Variants in RABGAP1L observed in about 807,000 individuals in gnomAD.
RABGAP1L encodes the protein rab GTPase-activating protein 1-like.
In RABGAP1L, 63 loss-of-function variants were observed where a neutral mutation model predicts 137.7. The observed-to-expected ratio is 0.46, with a 90% CI of 0.37 to 0.56. The LOEUF (loss-of-function observed/expected upper bound fraction) is 0.56, where lower values mean the gene tolerates loss of function less well. Among genes scored for constraint, RABGAP1L ranks in the 20% least tolerant of loss-of-function variants. The pLI, the probability that RABGAP1L is intolerant of heterozygous loss-of-function variation, is 0.00. For missense variants in RABGAP1L, 1,095 were observed against 1,244.0 expected (o/e 0.88, Z 1.80); for synonymous variants, 431 against 433.7 (o/e 0.99, Z 0.08).
intron 12 of RABGAP1L, among the ~76,000 whole-genome samples, chr1:174,375,336 C>A (rs905534715): frequency 6.6e-6 from 1 of 151,240 alleles, no homozygotes. Context: ...AAGAGAAAAA[C>A]CCAAAGCAAG....
chr1:174,327,620 A>G (rs1680551085), intron 11 of RABGAP1L, among the ~76,000 whole-genome samples: 1 of 152,074 alleles, frequency 6.6e-6, no homozygotes, highest in South Asian at 2.1e-4. Flanking sequence ...ACAAGTTGAT[A>G]ATATGGCAGC....
intron 13 of RABGAP1L, among the ~76,000 whole-genome samples, chr1:174,529,329 T>A (rs1212614165): frequency 6.6e-6 from 1 of 152,178 alleles, no homozygotes; most frequent in African/African-American, 2.4e-5. Context: ...ATCTATGATG[T>A]TGGTTTTTTA....
intron 13 of RABGAP1L, among the ~76,000 whole-genome samples, chr1:174,610,194 A>G (rs935161822): frequency 1.1e-4 from 15 of 142,434 alleles, no homozygotes; most frequent in Non-Finnish European, 1.8e-4. Flanking sequence ...TCCTAATGCT[A>G]TCCCTTCCCC....
intron 19 of RABGAP1L, among the ~76,000 whole-genome samples, chr1:174,894,655 T>A (rs1384012356): frequency 6.6e-6 from 1 of 152,216 alleles, no homozygotes; most frequent in Non-Finnish European, 1.5e-5. Flanking sequence ...TGATTATGGA[T>A]CGAAATGGAG....
At chr1:174,318,012 G>T (rs1384369543) in intron 11 of RABGAP1L, among the ~76,000 whole-genome samples, 1 of 150,490 alleles carries the variant, frequency 6.6e-6, no homozygotes, top group African/African-American at 2.4e-5. Context: ...GATGCCAGGG[G>T]TTATAGAGGG....
At chr1:174,484,268 G>A (rs565899663) in intron 13 of RABGAP1L, among the ~76,000 whole-genome samples, 3 of 152,222 alleles carry the variant, frequency 2.0e-5, no homozygotes, top group African/African-American at 7.2e-5. Context: ...TTCTTCTATA[G>A]AGTTGTTTGA....
intron 5 of RABGAP1L, among the ~76,000 whole-genome samples, chr1:174,249,193 A>G (rs1672509773): frequency 6.6e-6 from 1 of 152,210 alleles, no homozygotes; most frequent in Non-Finnish European, 1.5e-5. Context: ...TAATACCAAT[A>G]GAATAGATAA....
chr1:174,612,559 T>C (rs1671363684), intron 13 of RABGAP1L, among the ~76,000 whole-genome samples: 1 of 152,222 alleles, frequency 6.6e-6, no homozygotes, highest in Non-Finnish European at 1.5e-5. Context: ...ATCAGGATGA[T>C]GCTGGCCTCA....
chr1:174,901,380 GTTC>G (rs1472026551), intron 19 of RABGAP1L, among the ~76,000 whole-genome samples: 1 of 152,162 alleles, frequency 6.6e-6, no homozygotes, highest in Non-Finnish European at 1.5e-5. Flanking sequence ...AAGCAGACAC[GTTC>G]TTCTTCACAT....
At chr1:174,620,070 A>T (rs889378998) in intron 13 of RABGAP1L, among the ~76,000 whole-genome samples, 1 of 152,082 alleles carries the variant, frequency 6.6e-6, no homozygotes, top group Non-Finnish European at 1.5e-5. Flanking sequence ...AAAGGGATCA[A>T]TTCAACAAGA....
At chr1:174,882,388 G>A (rs2149091621) in intron 19 of RABGAP1L, among the ~76,000 whole-genome samples, 1 of 152,186 alleles carries the variant, frequency 6.6e-6, no homozygotes, top group South Asian at 2.1e-4. Flanking sequence ...GTAACCCTGT[G>A]TCTTTCTTAT....
chr1:174,893,129 C>T lies in RABGAP1L; in HGVS notation c.2341-64328C>T, dbSNP rs987620158. On this transcript the variant is annotated intron_variant, in intron 19 of 25. Coordinates refer to ENST00000681986, the MANE Select transcript of RABGAP1L (RefSeq NM_001366446.1). ...AAATTTTTTATAATACATCATTGTG[C>T]GGCCCTGTGTGCATACTGCTTTATA... The T allele has an allele frequency of 7.7e-5, 25 of 325,952 alleles. 1 individual carries two copies. The highest frequency in any genetic ancestry group is 7.3e-4 in the East Asian group (9 of 12,338). The allele number at this position is 325,952 out of a possible 1,614,324, so 20.2% of individuals were successfully genotyped here.
chr1:174,698,952 G>A (rs889445774), intron 15 of RABGAP1L, among the ~76,000 whole-genome samples: 21 of 151,782 alleles, frequency 1.4e-4, no homozygotes, highest in East Asian at 1.9e-4. Flanking sequence ...AGGGAGGAGC[G>A]AGACTTTTAC....
At chr1:174,581,038 G>A (rs1668710114) in intron 13 of RABGAP1L, among the ~76,000 whole-genome samples, 1 of 152,176 alleles carries the variant, frequency 6.6e-6, no homozygotes, top group South Asian at 2.1e-4. Flanking sequence ...TGGCAAGGAT[G>A]TAGAGAAATT....
chr1:174,654,785 T>C (rs1441928551), intron 14 of RABGAP1L, among the ~76,000 whole-genome samples: 1 of 152,178 alleles, frequency 6.6e-6, no homozygotes, highest in Non-Finnish European at 1.5e-5. Flanking sequence ...CTATGTTAGA[T>C]AAGAAAATTG....
intron 13 of RABGAP1L, among the ~76,000 whole-genome samples, chr1:174,449,572 C>G (rs1655199336): frequency 6.6e-6 from 1 of 152,184 alleles, no homozygotes; most frequent in South Asian, 2.1e-4. Context: ...CTATGTTTCT[C>G]TCACTCTTTG....
intron 8 of RABGAP1L, among the ~76,000 whole-genome samples, chr1:174,274,341 A>G (rs1433302085): frequency 1.3e-5 from 2 of 152,256 alleles, no homozygotes; most frequent in East Asian, 3.9e-4. Flanking sequence ...TGATGGACCC[A>G]TACTTTAAGG....
chr1:174,210,585 C>T (rs1381670195), intron 1 of RABGAP1L, among the ~76,000 whole-genome samples: 1 of 151,944 alleles, frequency 6.6e-6, no homozygotes, highest in Non-Finnish European at 1.5e-5. Context: ...ATGAAGCATG[C>T]CTACAGGATC....
intron 13 of RABGAP1L, among the ~76,000 whole-genome samples, chr1:174,601,594 A>G (rs1287887053): frequency 3.9e-5 from 6 of 152,190 alleles, no homozygotes; most frequent in African/African-American, 1.4e-4. Context: ...ATGTACACCT[A>G]TGTAACAAAC....
Sources: allele counts gnomAD v4.1 joint callset (sites outside exome capture counted in the v4.1 genomes callset), GRCh38; gene constraint gnomAD v4.1.1; transcripts MANE v1.5; gene names NCBI Gene and HGNC (gene_info 2026-07-23, HGNC 2026-07-21).